The following TOP1MT variants were observed in gnomAD, a reference collection of about 807,000 sequenced individuals.
TOP1MT encodes the protein DNA topoisomerase I mitochondrial.
In TOP1MT, 80 loss-of-function variants were observed where a neutral mutation model predicts 73.9. The ratio of observed to expected loss-of-function variants is 1.08; its 90% CI spans 0.90 to 1.30. The LOEUF (loss-of-function observed/expected upper bound fraction) is 1.30, where lower values mean the gene tolerates loss of function less well. TOP1MT is among the 50% of genes most tolerant of loss of function. The pLI is 0.00. For synonymous variants in TOP1MT, 338 were observed against 326.4 expected (o/e 1.04, Z -0.38); for missense variants, 815 against 808.0 (o/e 1.01, Z -0.10).
intron 7 of TOP1MT, 146 bp downstream of exon 7, chr8:143,323,853 A>G: frequency 1.2e-6 from 1 of 828,728 alleles, no homozygotes; most frequent in Non-Finnish European, 1.9e-6. Context: ...ACACCCACAC[A>G]CGTGTGCACA....
intron 7 of TOP1MT, among the ~76,000 whole-genome samples, chr8:143,321,752 CACAA>C: frequency 8.8e-6 from 1 of 114,248 alleles, no homozygotes; most frequent in Non-Finnish European, 1.7e-5. Context: ...ACACGCACGC[CACAA>C]ACACAGGCAC....
In TOP1MT at chr8:143,321,916, GCCACA is replaced by G. The variant is rs1563758527; in HGVS notation, c.961-535_961-531del. ...ACAGGCACGCCACACACACAGGCAC[GCCACA>G]CACATGCACGCCACACACGCACGCC... On this transcript the variant is annotated intron_variant, in intron 7 of 13. Coordinates refer to ENST00000329245, the MANE Select transcript of TOP1MT (RefSeq NM_052963.3). Among the ~76,000 whole-genome samples the G allele has an allele frequency of 1.8e-3, 73 of 40,884 alleles. 6 individuals are homozygous for G. Among genetic ancestry groups the G allele is most frequent in the East Asian group, 0.012 (5 of 434 alleles). 26.8% of individuals were successfully genotyped at this position (40,884 alleles called of 152,430 possible).
Position 143,334,637 on chromosome 8 carries a change from G to A in TOP1MT, c.122+103C>T, listed in dbSNP as rs371340142. Reference sequence around the variant, plus strand: ...CCTGGCCCGACTTTTGGGAAAACCGGAAGCAGGGCAAGGCCGTCCCACGAG... The same window carrying A: ...CCTGGCCCGACTTTTGGGAAAACCGAAAGCAGGGCAAGGCCGTCCCACGAG... On this transcript the variant is annotated intron_variant, in intron 1 of 13. Transcript: ENST00000329245. The A allele has an allele frequency of 3.5e-4, 519 of 1,500,480 alleles. 9 individuals carry two copies. In the South Asian group the frequency reaches 5.9e-3, roughly 17 times the overall value. 92.9% of individuals were successfully genotyped at this position (1,500,480 alleles called of 1,614,324 possible). A position where few individuals can be genotyped will look rare whatever the true frequency, so the allele number is the denominator to read the frequency against.
At chr8:143,322,647 ACGCACACCACACACG>A (rs1816501330) in intron 7 of TOP1MT, among the ~76,000 whole-genome samples, 1 of 105,716 alleles carries the variant, frequency 9.5e-6, no homozygotes, top group African/African-American at 4.9e-5. Flanking sequence ...CACACGCCAC[ACGCACACCACACACG>A]CACGCCACAC....
upstream of TOP1MT, among the ~76,000 whole-genome samples, chr8:143,348,182 G>A (rs1461447992): frequency 6.6e-6 from 1 of 152,200 alleles, no homozygotes; most frequent in Non-Finnish European, 1.5e-5. The surrounding 1 kb of genome is among the most constrained non-coding windows in gnomAD (Gnocchi z 4.6). Context: ...GCCCCATCCA[G>A]AGATACTCCC....
intron 2 of TOP1MT, among the ~76,000 whole-genome samples, chr8:143,330,482 G>A (rs534761993): frequency 6.6e-6 from 1 of 152,348 alleles, no homozygotes; most frequent in Admixed American, 6.5e-5. Flanking sequence ...GGAGAAACAG[G>A]CTTTGAACAA....
At chr8:143,359,302 G>A, upstream of TOP1MT, 2 of 985,402 alleles carry the variant, frequency 2.0e-6, no homozygotes, top group Non-Finnish European at 2.4e-6. Flanking sequence ...AAGCGATCCA[G>A]GAGAAGGGAG....
Position 143,352,173 on chromosome 8 carries a change from T to C in TOP1MT, c.-39+3792A>G, listed in dbSNP as rs143183533. ...ATTCCAGCTAGTGTTTTTGCAGAAA[T>C]TGACAACCTGATCCTAAAATTCACA... On this transcript the variant is annotated intron_variant, in intron 1 of 5. Transcript: ENST00000518760. 2.0e-3 allele frequency among the ~76,000 whole-genome samples: 310 copies of C among 152,332 alleles called. 1 individual carries two copies. Among genetic ancestry groups the C allele is most frequent in the Non-Finnish European group, 3.0e-3 (205 of 68,022 alleles).
intron 10 of TOP1MT, among the ~76,000 whole-genome samples, chr8:143,317,172 T>A (rs1480272385): frequency 6.6e-6 from 1 of 152,192 alleles, no homozygotes; most frequent in Non-Finnish European, 1.5e-5. Flanking sequence ...GTGCGTCCAA[T>A]CTGCCCGGAC....
chr8:143,321,841 ACACGCACGC>A (rs1816406320), intron 7 of TOP1MT, among the ~76,000 whole-genome samples: 1 of 109,864 alleles, frequency 9.1e-6, no homozygotes, highest in Non-Finnish European at 1.8e-5. Flanking sequence ...CACACACGCC[ACACGCACGC>A]CACACACGCA....
chr8:143,341,512 A>G lies in TOP1MT; in HGVS notation c.29+1708T>C, dbSNP rs1049092396. 1.3e-5 allele frequency among the ~76,000 whole-genome samples: 2 copies of G among 152,252 alleles called. No homozygotes were observed. Among genetic ancestry groups the G allele is most frequent in the African/African-American group, 4.8e-5 (2 of 41,474 alleles). ...AAACATACCCACCCGGAGACCCCAG[A>G]GGAGGAGGGAAGGTTCACCTTCCCC... On this transcript the variant is annotated intron_variant, in intron 2 of 5. Transcript: ENST00000518007. The surrounding 1 kb of genome is among the most constrained non-coding windows in gnomAD (Gnocchi z 4.1).
In TOP1MT at chr8:143,322,653, A is replaced by ACCACACACGCATG. The variant is rs1563759806; in HGVS notation, c.961-1268_961-1267insCATGCGTGTGTGG. On this transcript the variant is annotated intron_variant, in intron 7 of 13. Coordinates refer to ENST00000329245, the MANE Select transcript of TOP1MT (RefSeq NM_052963.3). ...CGTCACACACACACGCCACACGCAC[A>ACCACACACGCATG]CCACACACGCACGCCACACACGCAC... Among the ~76,000 whole-genome samples, 31 of 65,460 alleles carry ACCACACACGCATG rather than the reference A, an allele frequency of 4.7e-4. 2 individuals carry two copies. The East Asian group carries it at 0.012, about 26-fold the overall frequency. The allele number at this position is 65,460 out of a possible 152,430, so 42.9% of individuals were successfully genotyped here.
At chr8:143,310,456 C>T (rs1364898637) in intron 12 of TOP1MT, 11 of 398,842 alleles carry the variant, frequency 2.8e-5, no homozygotes, top group Non-Finnish European at 4.0e-5. Flanking sequence ...CCCGTCAGGA[C>T]CTGACTCGCA....
At position 143,321,318 on chromosome 8, in the gene TOP1MT, G is replaced by A. The variant is rs1333928804; in HGVS notation, c.1029C>T (p.Leu343=). Residue 343 remains leucine (L), a synonymous_variant, in exon 8 of 14, where the codon CTC becomes CTT. Transcript: ENST00000329245. ...GGTGCAGCTGGACGTGCTCCACGCG[G>A]AGGGAACAGCAGCCCACGGTGTCGG... ...EAADTVGCCS[L]RVEHVQLHPE... 1.9e-6 allele frequency: 3 copies of A among 1,611,572 alleles called. No homozygotes were observed. Among genetic ancestry groups the A allele is most frequent in the South Asian group, 1.1e-5 (1 of 90,992 alleles).
In TOP1MT at chr8:143,344,858, G is replaced by A. The variant is rs1817191986; in HGVS notation, c.-39+58C>T. 3.3e-5 allele frequency: 5 copies of A among 152,558 alleles called. No homozygotes were observed. The highest frequency in any genetic ancestry group is 6.5e-5 in the Admixed American group (1 of 15,276). The allele number at this position is 152,558 out of a possible 1,614,324, so 9.5% of individuals were successfully genotyped here. On this transcript the variant is annotated intron_variant, in intron 1 of 5. Transcript: ENST00000518007. This position sits in a 1 kb window ranked among gnomAD's most constrained non-coding sequence, Gnocchi z 4.6. ...TCAGCTGAGCGAGATGAGCGACAGTGAACAAGGCCAGGCAGGAGACAGAAT... is the reference window on the plus strand; with the variant it reads ...TCAGCTGAGCGAGATGAGCGACAGTAAACAAGGCCAGGCAGGAGACAGAAT...
chr8:143,321,962 A>G, intron 7 of TOP1MT, among the ~76,000 whole-genome samples: 1 of 116,958 alleles, frequency 8.6e-6, no homozygotes, highest in Non-Finnish European at 1.7e-5. Context: ...CGCACGCCAC[A>G]CACATGCTCA....
intron 7 of TOP1MT, among the ~76,000 whole-genome samples, chr8:143,322,686 ACGCACGCCACACGCACGC>A (rs1816508702): frequency 1.0e-5 from 1 of 97,012 alleles, no homozygotes; most frequent in Non-Finnish European, 1.9e-5. Flanking sequence ...CACGCCACAC[ACGCACGCCACACGCACGC>A]CACACGCACG....
chr8:143,326,308 G>C lies in TOP1MT; in HGVS notation c.397C>G (p.Leu133Val), dbSNP rs1816705615. 3.7e-6 allele frequency: 6 copies of C among 1,613,868 alleles called. No individual in the cohort carries two copies. Among genetic ancestry groups the C allele is most frequent in the Non-Finnish European group, 5.1e-6 (6 of 1,180,010 alleles). The change falls in exon 4 of 14, where the codon CTG (leucine) becomes GTG (valine). Residue 133 changes from leucine to valine, a missense_variant. By Grantham distance (32) the Leu-to-Val change is conservative. Around this residue, in one of 3 missense-constraint regions of TOP1MT, gnomAD observed 751 missense variants for 725.4 expected, o/e 1.04. Transcript: ENST00000329245. ...ATCTCCGTGAAGTCACACTTGTCCA[G>C]GCTCTTGATGACTTCCCTCTCTTCC... ...AVEEREVIKS[L>V]DKCDFTEIHR...
At chr8:143,356,558 C>T (rs1284844858), upstream of TOP1MT, among the ~76,000 whole-genome samples, 2 of 146,018 alleles carry the variant, frequency 1.4e-5, no homozygotes, top group African/African-American at 2.5e-5. Context: ...GAGGCTGAGG[C>T]GGGCGGATCA....
Sources: gnomAD v4.1 joint callset for allele counts (sites outside exome capture counted in the v4.1 genomes callset) on GRCh38, gnomAD v4.1.1 for gene constraint, gnomAD v4.1.1 regional missense constraint, Gnocchi (gnomAD v3.1) non-coding constraint, MANE v1.5 for transcripts, NCBI Gene and HGNC (gene_info 2026-07-23, HGNC 2026-07-21) for gene names.